The following VWF variants were observed in gnomAD, a reference collection of about 807,000 sequenced individuals.
The protein encoded by VWF is Factor VIII related antigen.
In VWF, 176 loss-of-function variants were observed where a neutral mutation model predicts 308.6. The observed-to-expected ratio is 0.57, with a 90% CI of 0.50 to 0.65. The LOEUF (loss-of-function observed/expected upper bound fraction) is 0.65, where lower values mean the gene tolerates loss of function less well. VWF is among the 30% of genes least tolerant of loss of function. The pLI is 0.00. For synonymous variants in VWF, 1,385 were observed against 1,443.4 expected, an observed-to-expected ratio of 0.96 and a Z score of 0.92; for missense variants, 3,146 against 3,648.2, an observed-to-expected ratio of 0.86 and a Z score of 3.55.
chr12:6,062,269 G>A (rs940288969), intron 13 of VWF, among the ~76,000 whole-genome samples: 3 of 152,088 alleles, frequency 2.0e-5, no homozygotes, highest in African/African-American at 7.2e-5. Context: ...CACGGTTGGT[G>A]GGGGTCAGAG....
intron 5 of VWF, among the ~76,000 whole-genome samples, chr12:6,103,407 T>C (rs1945195874): frequency 8.9e-6 from 1 of 112,550 alleles, no homozygotes; most frequent in South Asian, 2.3e-4. Flanking sequence ...CACGTGTGTG[T>C]ATACACACGT....
chr12:6,101,559 G>A (rs190385015), intron 5 of VWF, among the ~76,000 whole-genome samples: 32 of 151,898 alleles, frequency 2.1e-4, no homozygotes, highest in African/African-American at 6.8e-4. Context: ...GGCAGATCAC[G>A]ACGTCAGGAG....
intron 49 of VWF, 181 bp downstream of exon 49, chr12:5,952,210 T>C: frequency 1.1e-6 from 1 of 889,290 alleles, no homozygotes; most frequent in Non-Finnish European, 1.8e-6. Flanking sequence ...AAACATCCTA[T>C]ATTGCAGAGA....
intron 42 of VWF, among the ~76,000 whole-genome samples, chr12:5,976,994 T>C (rs990228799): frequency 6.6e-6 from 1 of 152,192 alleles, no homozygotes; most frequent in South Asian, 2.1e-4. Flanking sequence ...TCCAAAGTTA[T>C]GCAAAACGGG....
intron 22 of VWF, among the ~76,000 whole-genome samples, chr12:6,027,356 G>T (rs1944206910): frequency 6.6e-6 from 1 of 152,160 alleles, no homozygotes. Flanking sequence ...CAAAGATTCT[G>T]CTCTTACATC....
chr12:6,073,554 C>CA lies in VWF; in HGVS notation c.997+64dup, dbSNP rs1288491686. 3 of 1,611,532 alleles carry CA rather than the reference C, an allele frequency of 1.9e-6. No individual in the cohort carries two copies. The Admixed American group carries it at 5.0e-5, about 27-fold the overall frequency. ...GAGCAAACACAAGTGGCCTTCATCTCACTTCCCAAAGCCAAGGGTGCTGGC... is the reference window on the plus strand; with the variant it reads ...GAGCAAACACAAGTGGCCTTCATCTCAACTTCCCAAAGCCAAGGGTGCTGGC... On this transcript the variant is annotated intron_variant, in intron 8 of 51. Transcript: ENST00000261405.
intron 18 of VWF, among the ~76,000 whole-genome samples, chr12:6,040,208 G>A (rs1433961391): frequency 6.6e-6 from 1 of 152,154 alleles, no homozygotes; most frequent in Non-Finnish European, 1.5e-5. Flanking sequence ...TCACCTAGTG[G>A]TGGTAGCAGG....
At chr12:5,993,541 T>A (rs1943767317) in intron 37 of VWF, among the ~76,000 whole-genome samples, 1 of 151,994 alleles carries the variant, frequency 6.6e-6, no homozygotes, top group Non-Finnish European at 1.5e-5. Context: ...CGCATTTGTC[T>A]GAACTATAGA....
chr12:5,991,760 C>G, intron 38 of VWF, 59 bp downstream of exon 38: 1 of 1,571,030 alleles, frequency 6.4e-7, no homozygotes, highest in Non-Finnish European at 8.7e-7. Context: ...GTGAACATAT[C>G]TCCCTTTTGA....
chr12:5,969,366 T>C lies in VWF; in HGVS notation c.7574A>G (p.Glu2525Gly), dbSNP rs1481550936. ...ACACTCATTGATGAGGCAGGGGTTC[T>C]CCGGGGAGGCCCACTGGGAGCCGAC... ...KSVGSQWASP[E>G]NPCLINECVR... The change falls in exon 45 of 52, where the codon GAG (glutamate) becomes GGG (glycine). Residue 2525 changes from glutamate to glycine, a missense_variant. Physicochemically the swap from Glu to Gly is moderately conservative, Grantham distance 98. Around this residue, in one of 3 missense-constraint regions of VWF, gnomAD observed 989 missense variants for 1,117.4 expected, o/e 0.89. Coordinates refer to ENST00000261405, the MANE Select transcript of VWF (RefSeq NM_000552.5). 1 of 1,614,080 alleles carries C rather than the reference T, an allele frequency of 6.2e-7. No homozygotes were observed. Among genetic ancestry groups the C allele is most frequent in the Non-Finnish European group, 8.5e-7 (1 of 1,180,040 alleles).
Position 5,994,586 on chromosome 12 carries a change from C to A in VWF, c.6085G>T (p.Val2029Phe). The change falls in exon 36 of 52, where the codon GTC (valine) becomes TTC (phenylalanine). Residue 2029 changes from valine to phenylalanine, a missense_variant. This residue lies in a region of VWF where 989 missense variants were observed against 1,117.4 expected (regional missense o/e 0.89). Coordinates refer to ENST00000261405, the MANE Select transcript of VWF (RefSeq NM_000552.5). ...TTCCCACCCACGTAAGGAACAGAGA[C>A]CAGTCTCCCATTCACCGTCACCTGC... ...DMEVTVNGRLVSVPYVGGNME... is the reference protein window; with the variant it reads ...DMEVTVNGRLFSVPYVGGNME... The A allele has an allele frequency of 6.2e-7, 1 of 1,613,920 alleles. No homozygotes were observed. Among genetic ancestry groups the A allele is most frequent in the Non-Finnish European group, 8.5e-7 (1 of 1,179,838 alleles).
chr12:6,095,757 A>G, intron 5 of VWF, 173 bp from the exon 6 acceptor site: 1 of 840,992 alleles, frequency 1.2e-6, no homozygotes, highest in Non-Finnish European at 1.9e-6. Context: ...CACAAGTGCA[A>G]TCCCACTACT....
intron 6 of VWF, among the ~76,000 whole-genome samples, chr12:6,085,897 T>A (rs1944965659): frequency 6.6e-6 from 1 of 152,004 alleles, no homozygotes; most frequent in African/African-American, 2.4e-5. Context: ...TAAAGTAAAA[T>A]TTTAAAAAAA....
At chr12:6,040,047 T>C (rs1944380308) in intron 18 of VWF, among the ~76,000 whole-genome samples, 1 of 152,186 alleles carries the variant, frequency 6.6e-6, no homozygotes, top group Non-Finnish European at 1.5e-5. Flanking sequence ...CTCTGTTCCC[T>C]TTCTGTCCTC....
In VWF at chr12:6,036,562, AG is replaced by A. The variant is rs1220140484; in HGVS notation, c.2443-72del. The A allele has an allele frequency of 4.9e-6, 7 of 1,436,262 alleles. No homozygotes were observed. In the African/African-American group the frequency reaches 9.9e-5, roughly 20 times the overall value. The allele number at this position is 1,436,262 out of a possible 1,614,324, so 89.0% of individuals were successfully genotyped here. ...CTAAAGCCCTCCTCCAGCCCGCTCC[AG>A]GAAGTGTTGTCTGAGACTTGAGCCT... On this transcript the variant is annotated intron_variant, in intron 18 of 51. Coordinates refer to ENST00000261405, the MANE Select transcript of VWF (RefSeq NM_000552.5).
chr12:6,016,206 A>C lies in VWF; in HGVS notation c.5338T>G (p.Tyr1780Asp), dbSNP rs372002214. The stretch of plus-strand genomic sequence containing the variant: ...GCACCATGCATTTCTGAAGTCAAGT[A>C]TCGCACAGCAAAGCCCAAGGCATCC... ...IGDALGFAVR[Y>D]LTSEMHGARP... The change falls in exon 31 of 52, where the codon TAC becomes GAC. Residue 1780 changes from tyrosine (Y) to aspartate (D), a missense_variant. Tyr to Asp is a radical substitution (Grantham distance 160, BLOSUM62 -3). Around this residue, in one of 3 missense-constraint regions of VWF, gnomAD observed 853 missense variants for 1,177.8 expected, o/e 0.72. Transcript: ENST00000261405. 1 of 1,614,108 alleles carries C rather than the reference A, an allele frequency of 6.2e-7. No individual in the cohort carries two copies. Among genetic ancestry groups the C allele is most frequent in the African/African-American group, 1.3e-5 (1 of 74,928 alleles).
chr12:5,988,408 C>T lies in VWF; in HGVS notation c.6799-2743G>A, dbSNP rs536272948. On this transcript the variant is annotated intron_variant, in intron 38 of 51. Transcript: ENST00000261405. ...GCCTCGGAGGGCTGGGGCAGGGGGT[C>T]GAATTGGCAGACATGAGGGGATGCG... 1.3e-3 allele frequency among the ~76,000 whole-genome samples: 195 copies of T among 152,150 alleles called. 3 individuals carry two copies. Among genetic ancestry groups the T allele is most frequent in the African/African-American group, 4.3e-3 (179 of 41,502 alleles).
intron 5 of VWF, among the ~76,000 whole-genome samples, chr12:6,102,279 T>C (rs745437359): frequency 1.2e-4 from 18 of 151,640 alleles, no homozygotes; most frequent in Non-Finnish European, 2.2e-4. Flanking sequence ...CTGTCTCTAA[T>C]AAACATACAA....
chr12:6,048,231 G>A (rs753569982), intron 16 of VWF, among the ~76,000 whole-genome samples: 24 of 152,188 alleles, frequency 1.6e-4, no homozygotes, highest in African/African-American at 3.9e-4. Flanking sequence ...GCAGTGGTTC[G>A]ATCTCGGCTC....
Sources: allele counts gnomAD v4.1 joint callset (sites outside exome capture counted in the v4.1 genomes callset), GRCh38; gene constraint gnomAD v4.1.1; regional missense constraint gnomAD v4.1.1; transcripts MANE v1.5; gene names NCBI Gene and HGNC (gene_info 2026-07-23, HGNC 2026-07-21).